The following EPN3 variants were observed in gnomAD, a reference collection of about 807,000 sequenced individuals.
The protein encoded by EPN3 is epsin-3.
Under a neutral mutation model 55.5 loss-of-function variants are expected in EPN3, and 56 were observed. The observed-to-expected ratio is 1.01, with a 90% CI of 0.81 to 1.26. The LOEUF is 1.26. Among genes scored for constraint, EPN3 ranks in the 50% most tolerant of loss-of-function variants. EPN3 has a pLI of 0.00. For missense variants in EPN3, 927 were observed against 853.4 expected (o/e 1.09, Z -1.07); for synonymous variants, 449 against 375.2 (o/e 1.20, Z -2.27).
rs757508932 is a variant in EPN3, at chr17:50,539,293, A to C, written c.869A>C (p.Glu290Ala). ...CCTGAGAGAGAAGAGAGAAAGGAGG[A>C]GGAGAAGCTAAAAACCAGCCAGGTA... The part of the protein sequence containing the change: ...REPEREERKE[E>A]EKLKTSQSSI... Residue 290 changes from glutamate to alanine, a missense_variant, in exon 5 of 10, where the codon GAG becomes GCG. Glu to Ala is a moderately radical substitution (Grantham distance 107). Transcript: ENST00000268933. 6.2e-7 allele frequency: 1 copy of C among 1,614,158 alleles called. No individual in the cohort carries two copies.
At chr17:50,539,904 T>C (rs1339404543) in intron 5 of EPN3, among the ~76,000 whole-genome samples, 1 of 152,208 alleles carries the variant, frequency 6.6e-6, no homozygotes, top group African/African-American at 2.4e-5. Context: ...GCCTTTGGCC[T>C]TCCTGCCCCT....
chr17:50,543,284 G>A lies in EPN3; in HGVS notation c.*1127G>A, dbSNP rs1413803471. 6.6e-6 allele frequency: 1 copy of A among 152,294 alleles called. No homozygotes were observed. The highest frequency in any genetic ancestry group is 1.5e-5 in the Non-Finnish European group (1 of 68,076). 9.4% of individuals were successfully genotyped at this position (152,294 alleles called of 1,614,324 possible). ...AAGGCTAGCGAGAAACTCAGTCTTAGCCACACAGGAGGAATCGGACCCCTT... is the reference window on the plus strand; with the variant it reads ...AAGGCTAGCGAGAAACTCAGTCTTAACCACACAGGAGGAATCGGACCCCTT... On this transcript the variant is annotated 3_prime_UTR_variant, in exon 10 of 10. Coordinates refer to ENST00000268933, the MANE Select transcript of EPN3 (RefSeq NM_017957.3).
At chr17:50,541,401 C>T in intron 8 of EPN3, 63 bp from the exon 9 acceptor site, 1 of 1,607,392 alleles carries the variant, frequency 6.2e-7, no homozygotes, top group East Asian at 2.2e-5. Context: ...CCTCTGTCCT[C>T]TTCCTCCCAC....
At position 50,538,133 on chromosome 17, in the gene EPN3, C is replaced by T. The variant is rs771100755; in HGVS notation, c.617C>T (p.Thr206Met). 4.3e-5 allele frequency: 70 copies of T among 1,613,854 alleles called. No homozygotes were observed. Among genetic ancestry groups the T allele is most frequent in the Non-Finnish European group, 5.4e-5 (64 of 1,180,010 alleles). Reference sequence around the variant, plus strand: ...GACCTGGAGCAGGCCCGGCCTCAGACGTCAGGGGAAGAGGAACTGCAGCTG... The same window carrying T: ...GACCTGGAGCAGGCCCGGCCTCAGATGTCAGGGGAAGAGGAACTGCAGCTG... ...TSDLEQARPQTSGEEELQLQL... is the reference protein window; with the variant it reads ...TSDLEQARPQMSGEEELQLQL... Residue 206 changes from threonine (T) to methionine (M), a missense_variant, in exon 3 of 10, where the codon ACG (threonine) becomes ATG (methionine). Thr to Met is a moderately conservative substitution (Grantham distance 81). Coordinates refer to ENST00000268933, the MANE Select transcript of EPN3 (RefSeq NM_017957.3).
chr17:50,533,292 T>G (rs772823067), intron 1 of EPN3, among the ~76,000 whole-genome samples: 1 of 152,148 alleles, frequency 6.6e-6, no homozygotes, highest in Non-Finnish European at 1.5e-5. Context: ...CAGCCCCTCA[T>G]GCACACCTCT....
At chr17:50,534,385 A>G (rs2144024916) in intron 1 of EPN3, 3 of 982,754 alleles carry the variant, frequency 3.1e-6, no homozygotes, top group Non-Finnish European at 3.6e-6. Flanking sequence ...GGGCCAGGGC[A>G]GCCAGGTCCA....
In EPN3 at chr17:50,538,922, G is replaced by C; in HGVS notation, c.720G>C (p.Gln240His). The stretch of plus-strand genomic sequence containing the variant: ...CCTCCCACAGGGACGAGGACCTGCA[G>C]CTGCAGCTGGCTCTGCGCCTGAGCC... ...PPASHRDEDL[Q>H]LQLALRLSRQ... The change falls in exon 4 of 10, where the codon CAG (glutamine) becomes CAC (histidine). Residue 240 changes from glutamine (Q) to histidine (H), a missense_variant. By Grantham distance (24) the Gln-to-His change is conservative (BLOSUM62 0). Coordinates refer to ENST00000268933, the MANE Select transcript of EPN3 (RefSeq NM_017957.3). 6.2e-7 allele frequency: 1 copy of C among 1,608,468 alleles called. No homozygotes were observed. The highest frequency in any genetic ancestry group is 8.5e-7 in the Non-Finnish European group (1 of 1,176,394).
chr17:50,535,110 G>C (rs2034740291), intron 1 of EPN3, among the ~76,000 whole-genome samples: 1 of 152,202 alleles, frequency 6.6e-6, no homozygotes, highest in Admixed American at 6.5e-5. Flanking sequence ...GTGGCTACTG[G>C]GGGGAATTGG....
chr17:50,535,838 G>A (rs1438174076), intron 1 of EPN3, among the ~76,000 whole-genome samples: 1 of 152,210 alleles, frequency 6.6e-6, no homozygotes, highest in Admixed American at 6.5e-5. Flanking sequence ...GAGCTAGGAA[G>A]GATAGGTCTT....
At chr17:50,534,654 T>C (rs985021337) in intron 1 of EPN3, 3 of 985,132 alleles carry the variant, frequency 3.0e-6, no homozygotes, top group African/African-American at 1.7e-5. Context: ...AGACAAAAGG[T>C]AGGCTGCGCT....
rs543123102 is a variant in EPN3 at position 50,538,544 on chromosome 17, T to C, written c.682-340T>C. ...CCACCCCCGCCCACCAGCTATCCTT[T>C]TGGGGAGACAAGGACAGGCCCCCGA... On this transcript the variant is annotated intron_variant, in intron 3 of 9. Coordinates refer to ENST00000268933, the MANE Select transcript of EPN3 (RefSeq NM_017957.3). 8 of 422,262 alleles carry C rather than the reference T, an allele frequency of 1.9e-5. No homozygotes were observed. In the East Asian group the frequency reaches 3.0e-4, roughly 16 times the overall value. The allele number at this position is 422,262 out of a possible 1,614,324, so 26.2% of individuals were successfully genotyped here.
At position 50,542,478 on chromosome 17, in the gene EPN3, C is replaced by T. The variant is rs2034864007; in HGVS notation, c.*321C>T. 1 of 313,136 alleles carries T rather than the reference C, an allele frequency of 3.2e-6. No homozygotes were observed. The highest frequency in any genetic ancestry group is 5.8e-6 in the Non-Finnish European group (1 of 171,710). The allele number at this position is 313,136 out of a possible 1,614,324, so 19.4% of individuals were successfully genotyped here. On this transcript the variant is annotated 3_prime_UTR_variant, in exon 10 of 10. Coordinates refer to ENST00000268933, the MANE Select transcript of EPN3 (RefSeq NM_017957.3). ...CTGCACAACGTGGGGTGCAAAACTG[C>T]CCCGCTTCCTTTACAGCTCTTCTCA...
At position 50,542,178 on chromosome 17, in the gene EPN3, G is replaced by GGCCTGC. The variant is rs1204714253; in HGVS notation, c.*31_*36dup. 9.6e-6 allele frequency: 14 copies of GGCCTGC among 1,461,156 alleles called. No individual in the cohort carries two copies. The highest frequency in any genetic ancestry group is 2.3e-4 in the Middle Eastern group (1 of 4,388). The allele number at this position is 1,461,156 out of a possible 1,614,324, so 90.5% of individuals were successfully genotyped here. On this transcript the variant is annotated 3_prime_UTR_variant, in exon 10 of 10. Transcript: ENST00000268933. ...TCTGAGCCCCGCCCCGTCCCATACC[G>GGCCTGC]GCCTGCGCCTGCGCCGGACGCTCCG...
chr17:50,538,221 G>A (rs535926416), intron 3 of EPN3, 24 bp downstream of exon 3: 45 of 1,565,184 alleles, frequency 2.9e-5, no homozygotes, highest in African/African-American at 2.6e-4. Flanking sequence ...GCCCCACTGC[G>A]GTGGGGAGGG....
intron 3 of EPN3, chr17:50,538,516 T>G: frequency 4.6e-6 from 2 of 437,122 alleles, no homozygotes; most frequent in Non-Finnish European, 4.0e-6. Flanking sequence ...TGGGATATGC[T>G]TCCCACCCCC....
intron 3 of EPN3, 138 bp downstream of exon 3, chr17:50,538,335 T>C: frequency 1.6e-6 from 1 of 643,016 alleles, no homozygotes; most frequent in Non-Finnish European, 2.6e-6. Context: ...AGACCCATTA[T>C]CTCTGTCGGT....
chr17:50,539,072 TA>T (rs2034807872), intron 4 of EPN3, 108 bp downstream of exon 4: 3 of 1,553,704 alleles, frequency 1.9e-6, no homozygotes, highest in South Asian at 2.4e-5. Flanking sequence ...CTGCTGCTCC[TA>T]ACCTCTCAGC....
At position 50,538,195 on chromosome 17, in the gene EPN3, A is replaced by G. The variant is rs2039151049; in HGVS notation, c.679A>G (p.Lys227Glu). ...ALAMSREEAE[K>E]PVPPASHRDE... ...CGCCATGAGCCGTGAGGAGGCAGAG[A>G]AGGTGAGGCCATGCAGCCCCACTGC... is the stretch of plus-strand genomic sequence containing the variant. The change falls in exon 3 of 10, where the codon AAG becomes GAG. Residue 227 changes from lysine to glutamate, a missense_variant and splice_region_variant. Transcript: ENST00000268933. The G allele has an allele frequency of 1.9e-6, 3 of 1,609,156 alleles. No individual in the cohort carries two copies. In the South Asian group the frequency reaches 3.3e-5, roughly 18 times the overall value.
At position 50,538,087 on chromosome 17, in the gene EPN3, T is replaced by TC. The variant is rs753275464; in HGVS notation, c.572dup (p.Ser192ValfsTer32). 6.2e-7 allele frequency: 1 copy of TC among 1,613,810 alleles called. No individual in the cohort carries two copies. Among genetic ancestry groups the TC allele is most frequent in the Non-Finnish European group, 8.5e-7 (1 of 1,179,816 alleles). ...CATGATGGTCATTGCAGCCTCCTCT[T>TC]CGTCACCCCGCTATACCTCCGACCT... On this transcript the variant is annotated frameshift_variant, in exon 3 of 10. Coordinates refer to ENST00000268933, the MANE Select transcript of EPN3 (RefSeq NM_017957.3). LOFTEE classifies it high-confidence loss of function.
Sources: allele counts gnomAD v4.1 joint callset (sites outside exome capture counted in the v4.1 genomes callset), GRCh38; gene constraint gnomAD v4.1.1; transcripts MANE v1.5; gene names NCBI Gene and HGNC (gene_info 2026-07-23, HGNC 2026-07-21).